The following PRDM5 variants were observed in gnomAD, a reference collection of about 807,000 sequenced individuals.
The protein encoded by PRDM5 is PR domain zinc finger protein 5.
In PRDM5, 56 loss-of-function variants were observed where a neutral mutation model predicts 81.2. That is an observed-to-expected ratio of 0.69 (90% CI 0.56 to 0.86). PRDM5 has a LOEUF of 0.86. PRDM5 is among the 40% of genes least tolerant of loss of function. The pLI is 0.00. For synonymous variants in PRDM5, 267 were observed against 256.4 expected (o/e 1.04, Z -0.39); for missense variants, 697 against 770.1 (o/e 0.91, Z 1.12).
chr4:120,708,586 A>G (rs1262482807), intron 15 of PRDM5, among the ~76,000 whole-genome samples: 1 of 152,094 alleles, frequency 6.6e-6, no homozygotes, highest in Non-Finnish European at 1.5e-5. Context: ...CAGTCAATAT[A>G]CTAAACGTCA....
At chr4:120,826,290 T>C (rs541546929) in intron 3 of PRDM5, among the ~76,000 whole-genome samples, 1 of 152,302 alleles carries the variant, frequency 6.6e-6, no homozygotes, top group African/African-American at 2.4e-5. Flanking sequence ...AAGATGCCAC[T>C]TGGCCCCTTG....
chr4:120,768,408 A>T (rs921065112), intron 13 of PRDM5, among the ~76,000 whole-genome samples: 1 of 152,214 alleles, frequency 6.6e-6, no homozygotes, highest in African/African-American at 2.4e-5. Flanking sequence ...GGATTAATTT[A>T]GATACTATAT....
chr4:120,711,142 T>G (rs1376267327), intron 14 of PRDM5, among the ~76,000 whole-genome samples: 1 of 152,204 alleles, frequency 6.6e-6, no homozygotes, highest in African/African-American at 2.4e-5. Context: ...ACTGAGATAC[T>G]CAGGGCATCA....
chr4:120,831,365 C>A (rs1756691517), intron 3 of PRDM5, among the ~76,000 whole-genome samples: 1 of 152,066 alleles, frequency 6.6e-6, no homozygotes, highest in Non-Finnish European at 1.5e-5. Flanking sequence ...TTCTTGTTTG[C>A]CCACACATTC....
intron 2 of PRDM5, among the ~76,000 whole-genome samples, chr4:120,888,936 A>T (rs1763758603): frequency 6.6e-6 from 1 of 151,706 alleles, no homozygotes; most frequent in South Asian, 2.1e-4. Context: ...TCTTTTTTTT[A>T]AATTGATTTT....
chr4:120,858,098 T>G (rs1364506506), intron 2 of PRDM5, among the ~76,000 whole-genome samples: 1 of 152,106 alleles, frequency 6.6e-6, no homozygotes. Context: ...TAATGAAAAA[T>G]TACAATACGT....
intron 3 of PRDM5, among the ~76,000 whole-genome samples, chr4:120,851,358 G>A (rs549710602): frequency 2.6e-5 from 4 of 151,304 alleles, no homozygotes; most frequent in South Asian, 2.1e-4. Flanking sequence ...AACTGAGTCC[G>A]TAAATTAAAA....
chr4:120,779,625 G>A (rs1748717744), intron 12 of PRDM5, among the ~76,000 whole-genome samples: 1 of 152,090 alleles, frequency 6.6e-6, no homozygotes, highest in South Asian at 2.1e-4. Flanking sequence ...TCTCAGGCTG[G>A]GCACAGTGAC....
intron 2 of PRDM5, among the ~76,000 whole-genome samples, chr4:120,890,664 C>A (rs1485260040): frequency 6.6e-6 from 1 of 152,188 alleles, no homozygotes; most frequent in Non-Finnish European, 1.5e-5. Context: ...AATAGCCATT[C>A]TGACTGGTGT....
chr4:120,837,590 T>G (rs1035153885), intron 3 of PRDM5: 11 of 152,224 alleles, frequency 7.2e-5, no homozygotes, highest in African/African-American at 2.4e-4. Flanking sequence ...TACAAAAGTT[T>G]AATATAAAAA....
intron 14 of PRDM5, among the ~76,000 whole-genome samples, chr4:120,723,923 A>ATTTTTTTTTTTTTTTTTTTT (rs70948360): frequency 1.2e-5 from 1 of 81,278 alleles, no homozygotes; most frequent in African/African-American, 5.2e-5. Context: ...GATAGCTTGA[A>ATTTTTTTTTTTTTTTTTTTT]TTTTTTTTTT....
intron 3 of PRDM5, among the ~76,000 whole-genome samples, chr4:120,839,534 T>C (rs1757750575): frequency 6.6e-6 from 1 of 152,188 alleles, no homozygotes. Flanking sequence ...CTGCTCTGGC[T>C]GAGCCTGAGG....
intron 2 of PRDM5, among the ~76,000 whole-genome samples, chr4:120,857,812 G>GACCCAATTTA (rs1291219354): frequency 5.9e-5 from 9 of 152,180 alleles, no homozygotes; most frequent in Non-Finnish European, 1.3e-4. Flanking sequence ...GTCAACTATA[G>GACCCAATTTA]ACAGAGAAGC....
chr4:120,754,821 C>T (rs747067091), intron 13 of PRDM5, among the ~76,000 whole-genome samples, 183 bp from the exon 14 acceptor site: 45 of 152,324 alleles, frequency 3.0e-4, no homozygotes, highest in Middle Eastern at 3.4e-3. Flanking sequence ...TGGACTGTGG[C>T]CTCCCCTCCT....
chr4:120,784,839 A>C (rs1027845761), intron 11 of PRDM5, among the ~76,000 whole-genome samples, 159 bp downstream of exon 11: 1 of 151,962 alleles, frequency 6.6e-6, no homozygotes, highest in African/African-American at 2.4e-5. Flanking sequence ...TATAAAGCGA[A>C]AAAAAGTGAA....
intron 7 of PRDM5, 77 bp downstream of exon 7, chr4:120,816,376 A>T (rs770490375): frequency 1.9e-6 from 3 of 1,609,942 alleles, no homozygotes; most frequent in East Asian, 4.5e-5. Flanking sequence ...TCTCCTCAAG[A>T]GCGAGAATTA....
chr4:120,754,237 G>C (rs1744401476), intron 14 of PRDM5, among the ~76,000 whole-genome samples: 1 of 152,078 alleles, frequency 6.6e-6, no homozygotes, highest in Non-Finnish European at 1.5e-5. Context: ...TGAATATTCT[G>C]CAAGAAAAAC....
At chr4:120,915,992 T>A (rs1429762435) in intron 1 of PRDM5, among the ~76,000 whole-genome samples, 1 of 152,186 alleles carries the variant, frequency 6.6e-6, no homozygotes, top group East Asian at 1.9e-4. Context: ...GAAGGGCAGA[T>A]AAAGGCTGAG....
intron 2 of PRDM5, among the ~76,000 whole-genome samples, chr4:120,891,981 G>A (rs1252595189): frequency 6.6e-6 from 1 of 152,182 alleles, no homozygotes; most frequent in African/African-American, 2.4e-5. Flanking sequence ...TGCTTTAGCT[G>A]TATCGCCAAG....
Sources: gnomAD v4.1 joint callset for allele counts (sites outside exome capture counted in the v4.1 genomes callset) on GRCh38, gnomAD v4.1.1 for gene constraint, MANE v1.5 for transcripts, NCBI Gene and HGNC (gene_info 2026-07-23, HGNC 2026-07-21) for gene names.